Variants in CPA6 observed in about 807,000 individuals in gnomAD.
CPA6 encodes carboxypeptidase A6, also known as carboxypeptidase B.
CPA6 carries 58 observed loss-of-function variants against 63.3 expected under a neutral mutation model. The ratio of observed to expected loss-of-function variants is 0.92; its 90% CI spans 0.74 to 1.14. The LOEUF is 1.14. CPA6 is among the 50% of genes most tolerant of loss of function. The probability of loss-of-function intolerance (pLI) is 0.00; values close to 1 mark genes in which losing one functional copy is unlikely to be tolerated. For missense variants in CPA6, 565 were observed against 526.6 expected (o/e 1.07, Z -0.71); for synonymous variants, 185 against 179.0 (o/e 1.03, Z -0.27).
At chr8:67,545,975 C>G (rs969365911) in intron 2 of CPA6, among the ~76,000 whole-genome samples, 2 of 152,118 alleles carry the variant, frequency 1.3e-5, no homozygotes, top group Non-Finnish European at 2.9e-5. Context: ...GGTCATGCAC[C>G]TTTTCATCAT....
intron 2 of CPA6, among the ~76,000 whole-genome samples, chr8:67,536,954 G>A (rs372584598): frequency 5.9e-5 from 9 of 152,034 alleles, no homozygotes; most frequent in Non-Finnish European, 1.0e-4. Context: ...TGAGATAATC[G>A]TGTGGTTTTT....
intron 1 of CPA6, among the ~76,000 whole-genome samples, chr8:67,722,920 G>A (rs1261362855): frequency 2.6e-5 from 4 of 151,470 alleles, no homozygotes; most frequent in Non-Finnish European, 5.9e-5. Flanking sequence ...GTTGATTTAC[G>A]CTCACAAATT....
intron 1 of CPA6, among the ~76,000 whole-genome samples, chr8:67,653,733 T>G (rs1327152027): frequency 6.6e-6 from 1 of 152,100 alleles, no homozygotes; most frequent in Non-Finnish European, 1.5e-5. Flanking sequence ...ATACCCTTTA[T>G]TTCCTTCTCC....
chr8:67,629,964 G>T (rs181598588), intron 1 of CPA6, among the ~76,000 whole-genome samples: 1 of 151,986 alleles, frequency 6.6e-6, no homozygotes, highest in Admixed American at 6.6e-5. Flanking sequence ...AATTAGCTGG[G>T]CGTAGTGGCA....
intron 2 of CPA6, among the ~76,000 whole-genome samples, chr8:67,607,534 T>C (rs1422346813): frequency 6.6e-6 from 1 of 152,038 alleles, no homozygotes; most frequent in Non-Finnish European, 1.5e-5. Context: ...CCCAGATTCC[T>C]TTTTATTTCT....
At chr8:67,495,971 C>T (rs1391831098) in intron 6 of CPA6, among the ~76,000 whole-genome samples, 2 of 152,192 alleles carry the variant, frequency 1.3e-5, no homozygotes, top group African/African-American at 4.8e-5. Flanking sequence ...TACGTTGCTG[C>T]CTCACTAAAT....
At chr8:67,636,794 T>C (rs1815478330) in intron 1 of CPA6, among the ~76,000 whole-genome samples, 2 of 151,652 alleles carry the variant, frequency 1.3e-5, no homozygotes, top group South Asian at 4.1e-4. Context: ...ATTAGGTAAT[T>C]CCACCTAGAA....
At chr8:67,667,386 G>A (rs1163649602) in intron 1 of CPA6, among the ~76,000 whole-genome samples, 8 of 152,086 alleles carry the variant, frequency 5.3e-5, no homozygotes, top group African/African-American at 1.9e-4. Context: ...GAGCAGGCCA[G>A]TGCCACAGAA....
At chr8:67,518,765 C>T (rs1025637089) in intron 2 of CPA6, among the ~76,000 whole-genome samples, 3 of 152,028 alleles carry the variant, frequency 2.0e-5, no homozygotes, top group Non-Finnish European at 4.4e-5. Context: ...CCCTTCTTGG[C>T]CTCCTGAAGT....
At chr8:67,605,531 C>CTTTTTTTTTTTTTTTTTTTTTTTTTTTT (rs68153641) in intron 2 of CPA6, among the ~76,000 whole-genome samples, 1 of 125,268 alleles carries the variant, frequency 8.0e-6, no homozygotes, top group Non-Finnish European at 1.7e-5. Flanking sequence ...TATTGTATTG[C>CTTTTTTTTTTTTTTTTTTTTTTTTTTTT]TTTTTTTTTT....
intron 1 of CPA6, among the ~76,000 whole-genome samples, chr8:67,653,144 C>G (rs935324282): frequency 2.0e-5 from 3 of 151,108 alleles, no homozygotes; most frequent in African/African-American, 7.3e-5. Flanking sequence ...GTTACTGTAG[C>G]CTTGTAGTAT....
intron 1 of CPA6, among the ~76,000 whole-genome samples, chr8:67,687,543 C>T (rs1263240494): frequency 2.0e-5 from 3 of 152,038 alleles, no homozygotes; most frequent in East Asian, 1.9e-4. Context: ...CTGTTCTGAG[C>T]CTCTGCTAAT....
chr8:67,583,953 C>T (rs1362212406), intron 2 of CPA6, among the ~76,000 whole-genome samples: 2 of 151,720 alleles, frequency 1.3e-5, no homozygotes, highest in South Asian at 2.1e-4. Flanking sequence ...GTCAGGAGAT[C>T]GAGACCATCC....
At chr8:67,449,281 T>C (rs1810502368) in intron 8 of CPA6, among the ~76,000 whole-genome samples, 1 of 152,154 alleles carries the variant, frequency 6.6e-6, no homozygotes, top group Non-Finnish European at 1.5e-5. Context: ...AATGCATGTG[T>C]GGATCAATTA....
chr8:67,658,185 T>C (rs924119327), intron 1 of CPA6, among the ~76,000 whole-genome samples: 13 of 152,250 alleles, frequency 8.5e-5, no homozygotes, highest in East Asian at 1.9e-4. Context: ...TAAAGGCTTC[T>C]TGATCTTTCT....
intron 2 of CPA6, among the ~76,000 whole-genome samples, chr8:67,621,028 C>T (rs962343189): frequency 5.9e-5 from 9 of 152,174 alleles, no homozygotes; most frequent in Non-Finnish European, 1.3e-4. Context: ...TGGGTATGTG[C>T]TAGGCAGAGG....
chr8:67,626,743 A>G (rs770316197), intron 1 of CPA6, among the ~76,000 whole-genome samples: 19 of 152,258 alleles, frequency 1.2e-4, no homozygotes, highest in Non-Finnish European at 2.2e-4. Context: ...GCTGGGTGAT[A>G]TGGCTGTTTT....
chr8:67,594,746 C>G (rs532900934), intron 2 of CPA6, among the ~76,000 whole-genome samples: 1 of 152,264 alleles, frequency 6.6e-6, no homozygotes, highest in Admixed American at 6.5e-5. Flanking sequence ...CCTTTAAGCA[C>G]TTCTCTATAT....
chr8:67,555,903 T>C (rs763761861), intron 2 of CPA6, among the ~76,000 whole-genome samples: 7 of 152,222 alleles, frequency 4.6e-5, no homozygotes, highest in Non-Finnish European at 1.0e-4. Context: ...AATCCAAGTA[T>C]TTCTGTTGGA....
Sources: gnomAD v4.1 joint callset for allele counts (sites outside exome capture counted in the v4.1 genomes callset) on GRCh38, gnomAD v4.1.1 for gene constraint, MANE v1.5 for transcripts, NCBI Gene and HGNC (gene_info 2026-07-23, HGNC 2026-07-21) for gene names.